AGO3: variants seen among roughly 807,000 people sequenced by gnomAD.
AGO3 encodes argonaute RISC catalytic component 3, also known as protein argonaute-3.
A neutral mutation model predicts 105.5 loss-of-function variants in AGO3; 16 were observed. The observed-to-expected ratio is 0.15, with a 90% CI of 0.10 to 0.23. The LOEUF (loss-of-function observed/expected upper bound fraction) is 0.23. Among genes scored for constraint, AGO3 ranks in the 10% least tolerant of loss-of-function variants. The pLI, the probability that AGO3 is intolerant of heterozygous loss-of-function variation, is 1.00. For synonymous variants in AGO3, 340 were observed against 367.3 expected, an observed-to-expected ratio of 0.93 and a Z score of 0.85; for missense variants, 534 against 1,088.0, an observed-to-expected ratio of 0.49 and a Z score of 7.16.
At chr1:35,931,561 C>T (rs1161848044) in intron 1 of AGO3, 116 bp downstream of exon 1, 5 of 1,123,860 alleles carry the variant, frequency 4.4e-6, no homozygotes, top group South Asian at 2.9e-5. Flanking sequence ...GGGCATCGCT[C>T]GGTCTCCCGC....
At chr1:35,940,367 TA>T (rs1298857686) in intron 1 of AGO3, among the ~76,000 whole-genome samples, 1 of 152,102 alleles carries the variant, frequency 6.6e-6, no homozygotes, top group Non-Finnish European at 1.5e-5. Context: ...ACGCCCAGCC[TA>T]AAAAAAATTT....
At chr1:35,953,572 CTGGAGTGCAG>C (rs1182874938) in intron 2 of AGO3, among the ~76,000 whole-genome samples, 1 of 150,510 alleles carries the variant, frequency 6.6e-6, no homozygotes, top group African/African-American at 2.5e-5. Flanking sequence ...ATTGCCCAGG[CTGGAGTGCAG>C]TGGCACGATC....
intron 2 of AGO3, among the ~76,000 whole-genome samples, chr1:35,953,041 T>TA (rs1646501802): frequency 6.6e-6 from 1 of 152,220 alleles, no homozygotes; most frequent in Admixed American, 6.5e-5. Context: ...TGTGTGGACA[T>TA]ACATTTTCAT....
intron 11 of AGO3, among the ~76,000 whole-genome samples, chr1:36,026,392 G>A (rs1436931690): frequency 1.3e-5 from 2 of 152,116 alleles, no homozygotes; most frequent in East Asian, 3.9e-4. Context: ...ATAGGTGTGA[G>A]GCACTGCACC....
chr1:36,036,449 C>G (rs541106002), intron 14 of AGO3, among the ~76,000 whole-genome samples, 182 bp downstream of exon 14: 1 of 152,268 alleles, frequency 6.6e-6, no homozygotes, highest in South Asian at 2.1e-4. Context: ...TCTATTAAAT[C>G]AAGTTTGCTA....
chr1:35,994,825 A>G (rs186019535), intron 5 of AGO3, among the ~76,000 whole-genome samples: 1 of 152,312 alleles, frequency 6.6e-6, no homozygotes, highest in Non-Finnish European at 1.5e-5. Flanking sequence ...TGAAAGCTAC[A>G]AAGCATTACT....
At chr1:36,001,569 C>T (rs904921743) in intron 5 of AGO3, among the ~76,000 whole-genome samples, 3 of 151,894 alleles carry the variant, frequency 2.0e-5, no homozygotes, top group Admixed American at 6.6e-5. Flanking sequence ...TATCATGCAC[C>T]CACACTGTAA....
chr1:35,994,823 A>T (rs1178697498), intron 5 of AGO3, among the ~76,000 whole-genome samples: 1 of 152,216 alleles, frequency 6.6e-6, no homozygotes, highest in Admixed American at 6.5e-5. Flanking sequence ...GCTGAAAGCT[A>T]CAAAGCATTA....
chr1:36,042,869 T>C (rs1642308197), intron 16 of AGO3, among the ~76,000 whole-genome samples: 1 of 152,232 alleles, frequency 6.6e-6, no homozygotes, highest in Non-Finnish European at 1.5e-5. Flanking sequence ...TTCTGCCCTT[T>C]ATTGTGTGCT....
chr1:36,008,548 C>G lies in AGO3; in HGVS notation c.794-142C>G, dbSNP rs562638160. 11 of 713,748 alleles carry G rather than the reference C, an allele frequency of 1.5e-5. No individual in the cohort carries two copies. In the South Asian group the frequency reaches 2.2e-4, roughly 14 times the overall value. The allele number at this position is 713,748 out of a possible 1,614,324, so 44.2% of individuals were successfully genotyped here. A position where few individuals can be genotyped will look rare whatever the true frequency, so the allele number is the denominator to read the frequency against. On this transcript the variant is annotated intron_variant, in intron 6 of 18. Coordinates refer to ENST00000373191, the MANE Select transcript of AGO3 (RefSeq NM_024852.4). This position sits in a 1 kb window ranked among gnomAD's most constrained non-coding sequence, Gnocchi z 5.1. ...TTATTAGCAATGTTATATGTAAAAT[C>G]TGGTGTTTATATCATCTTGCCTGTA...
At chr1:35,981,762 T>C (rs1647056938) in intron 5 of AGO3, among the ~76,000 whole-genome samples, 2 of 152,216 alleles carry the variant, frequency 1.3e-5, no homozygotes, top group South Asian at 4.1e-4. Context: ...CCTCCTTTCC[T>C]TACCTCCTTC....
At chr1:35,999,775 C>T (rs1370943811) in intron 5 of AGO3, among the ~76,000 whole-genome samples, 1 of 152,084 alleles carries the variant, frequency 6.6e-6, no homozygotes, top group African/African-American at 2.4e-5. Flanking sequence ...ATTGGGTTTT[C>T]TATGCACACA....
chr1:36,033,384 A>C (rs1641868611), intron 12 of AGO3, among the ~76,000 whole-genome samples: 1 of 151,406 alleles, frequency 6.6e-6, no homozygotes, highest in Non-Finnish European at 1.5e-5. Flanking sequence ...TCTTGCCTGT[A>C]ATCCCAACAC....
At chr1:36,020,619 A>G (rs142368927) in intron 11 of AGO3, among the ~76,000 whole-genome samples, 1 of 151,976 alleles carries the variant, frequency 6.6e-6, no homozygotes, top group Non-Finnish European at 1.5e-5. Context: ...TTATTTATTT[A>G]TTTATTTATT....
rs57625856 is a variant in AGO3, at chr1:36,062,159, CTT to C, written c.*6434_*6435del. 247 of 128,210 alleles carry C rather than the reference CTT, an allele frequency of 1.9e-3. No individual in the cohort carries two copies. Among genetic ancestry groups the C allele is most frequent in the African/African-American group, 6.2e-3 (211 of 34,020 alleles). 7.9% of individuals were successfully genotyped at this position (128,210 alleles called of 1,614,324 possible). A position where few individuals can be genotyped will look rare whatever the true frequency, so the allele number is the denominator to read the frequency against. ...TCATAGGCAACATTTTCTAATTAAT[CTT>C]TTTTTTTTTTTTTTTTTTTGAGACA... On this transcript the variant is annotated 3_prime_UTR_variant, in exon 19 of 19. Transcript: ENST00000373191.
At chr1:35,978,427 G>T (rs1008724289) in intron 5 of AGO3, among the ~76,000 whole-genome samples, 3 of 152,118 alleles carry the variant, frequency 2.0e-5, no homozygotes, top group South Asian at 2.1e-4. Flanking sequence ...CCTGACCTCA[G>T]GTGATCCGCC....
chr1:35,981,554 C>T (rs753143374), intron 5 of AGO3, among the ~76,000 whole-genome samples: 27 of 152,272 alleles, frequency 1.8e-4, no homozygotes, highest in Non-Finnish European at 3.4e-4. Context: ...AATTGCCTGC[C>T]TCAAATGTTA....
intron 2 of AGO3, among the ~76,000 whole-genome samples, chr1:35,958,358 G>A (rs6683043): frequency 0.083 from 12,604 of 151,906 alleles, 1,949 homozygotes; most frequent in East Asian, 0.68. Context: ...TCCAGTCTAG[G>A]CGACAGAATA....
intron 5 of AGO3, among the ~76,000 whole-genome samples, chr1:35,985,173 C>A (rs76979671): frequency 6.6e-6 from 1 of 152,048 alleles, no homozygotes; most frequent in Non-Finnish European, 1.5e-5. Flanking sequence ...GTCCCAGCTA[C>A]TCAAGAGGCT....
Sources: gnomAD v4.1 joint callset for allele counts (sites outside exome capture counted in the v4.1 genomes callset) on GRCh38, gnomAD v4.1.1 for gene constraint, Gnocchi (gnomAD v3.1) non-coding constraint, MANE v1.5 for transcripts, NCBI Gene and HGNC (gene_info 2026-07-23, HGNC 2026-07-21) for gene names.